Variants in CDRT4 observed in about 807,000 individuals in gnomAD.
CDRT4 encodes CMT1A duplicated region transcript 4.
For synonymous variants in CDRT4, 64 were observed against 69.6 expected (o/e 0.92, Z 0.40); for missense variants, 167 against 193.1 (o/e 0.87, Z 0.80).
intron 1 of CDRT4, among the ~76,000 whole-genome samples, chr17:15,465,714 G>A (rs991798203): frequency 1.3e-5 from 2 of 152,052 alleles, no homozygotes; most frequent in African/African-American, 2.4e-5. Context: ...TCACAAACAC[G>A]GAGACACATA....
intron 2 of CDRT4, among the ~76,000 whole-genome samples, chr17:15,449,828 T>A (rs1272441595): frequency 1.3e-5 from 2 of 152,246 alleles, no homozygotes; most frequent in Non-Finnish European, 2.9e-5. Context: ...TTTCTGCTTC[T>A]GGGTTAGTTT....
intron 1 of CDRT4, among the ~76,000 whole-genome samples, chr17:15,456,858 A>G (rs1979507816): frequency 6.6e-6 from 1 of 152,128 alleles, no homozygotes; most frequent in Non-Finnish European, 1.5e-5. Context: ...GGACCCAAAG[A>G]GTGCCTTTAA....
Position 15,464,173 on chromosome 17 carries a change from C to G in CDRT4, c.-130+3287G>C, listed in dbSNP as rs901119167. 5.9e-5 allele frequency among the ~76,000 whole-genome samples: 9 copies of G among 152,064 alleles called. No individual in the cohort carries two copies. The highest frequency in any genetic ancestry group is 1.0e-4 in the Non-Finnish European group (7 of 68,004). ...TTAACCTCTCTGGCCGCGTTTTTCT[C>G]TGGTGATGTGTCACTGAGCTTGGGG... On this transcript the variant is annotated intron_variant, in intron 1 of 3. Coordinates refer to ENST00000619038, the MANE Select transcript of CDRT4 (RefSeq NM_001204477.2). The surrounding 1 kb of genome is among the most constrained non-coding windows in gnomAD (Gnocchi z 4.5).
In CDRT4 at chr17:15,449,080, T is replaced by C. The variant is rs116198578; in HGVS notation, c.-48+3924A>G. Among the ~76,000 whole-genome samples, 1,496 of 152,338 alleles carry C rather than the reference T, an allele frequency of 9.8e-3. 27 individuals carry two copies. Among genetic ancestry groups the C allele is most frequent in the African/African-American group, 0.034 (1,413 of 41,578 alleles). ...CACTCTTATTTCACACATATTTGCATGGCAAAGCCTTAATACCAGTTCAAT... is the reference window on the plus strand; with the variant it reads ...CACTCTTATTTCACACATATTTGCACGGCAAAGCCTTAATACCAGTTCAAT... On this transcript the variant is annotated intron_variant, in intron 2 of 3. Coordinates refer to ENST00000619038, the MANE Select transcript of CDRT4 (RefSeq NM_001204477.2).
At chr17:15,457,822 G>A (rs900964422) in intron 1 of CDRT4, among the ~76,000 whole-genome samples, 1 of 152,176 alleles carries the variant, frequency 6.6e-6, no homozygotes, top group African/African-American at 2.4e-5. Flanking sequence ...ACGAGGCTAG[G>A]AGGTCAGTGC....
intron 1 of CDRT4, among the ~76,000 whole-genome samples, chr17:15,456,762 C>T (rs1979502221): frequency 6.6e-6 from 1 of 152,090 alleles, no homozygotes; most frequent in African/African-American, 2.4e-5. Context: ...TCTGTGGAGC[C>T]CTGGTCATCA....
intron 1 of CDRT4, among the ~76,000 whole-genome samples, chr17:15,453,885 G>A (rs929910570): frequency 3.9e-5 from 6 of 152,192 alleles, no homozygotes; most frequent in Admixed American, 1.3e-4. Context: ...TATCCTTGGA[G>A]TGCCATGAGG....
chr17:15,444,265 T>C, intron 2 of CDRT4: 2 of 563,476 alleles, frequency 3.5e-6, no homozygotes. Context: ...ATTTAAAAGA[T>C]GCAATAAAAG....
At chr17:15,444,391 T>C (rs716102) in intron 2 of CDRT4, among the ~76,000 whole-genome samples, 112,442 of 152,010 alleles carry the variant, frequency 0.74, 41,828 homozygotes, top group African/African-American at 0.82. Flanking sequence ...CAAATGTAGG[T>C]GCCCACTCCC....
intron 1 of CDRT4, among the ~76,000 whole-genome samples, chr17:15,457,375 G>C (rs1169861856): frequency 6.6e-6 from 1 of 152,208 alleles, no homozygotes; most frequent in Non-Finnish European, 1.5e-5. Context: ...GCCCTCTAGG[G>C]TGGGAAATGT....
intron 1 of CDRT4, among the ~76,000 whole-genome samples, chr17:15,454,552 G>A (rs1979402504): frequency 1.3e-5 from 2 of 152,226 alleles, no homozygotes; most frequent in South Asian, 2.1e-4. Context: ...AGCCATGTCC[G>A]CTCTCCCTCA....
At chr17:15,461,486 C>T (rs74934112) in intron 1 of CDRT4, among the ~76,000 whole-genome samples, 3,032 of 152,272 alleles carry the variant, frequency 0.02, 97 homozygotes, top group African/African-American at 0.068. Flanking sequence ...GTTACAGTGA[C>T]GGATGAGACC....
At chr17:15,448,771 C>T (rs1370604503) in intron 2 of CDRT4, among the ~76,000 whole-genome samples, 5 of 152,186 alleles carry the variant, frequency 3.3e-5, no homozygotes, top group Non-Finnish European at 7.3e-5. Context: ...CTCACCTGCC[C>T]GGTTGCTGCC....
chr17:15,453,715 G>A (rs956013434), intron 1 of CDRT4, among the ~76,000 whole-genome samples: 5 of 152,176 alleles, frequency 3.3e-5, no homozygotes, highest in South Asian at 2.1e-4. Flanking sequence ...GTAAAACTGC[G>A]TATTAAACAA....
rs776100248 is a variant in CDRT4 at position 15,438,123 on chromosome 17, AGGTATAGGTGACATAGGCCGGCCAG to A, written c.84_108del (p.Trp29LeufsTer4). 1 of 1,613,836 alleles carries A rather than the reference AGGTATAGGTGACATAGGCCGGCCAG, an allele frequency of 6.2e-7. No individual in the cohort carries two copies. The highest frequency in any genetic ancestry group is 1.3e-5 in the African/African-American group (1 of 74,844). Reference sequence around the variant, plus strand: ...TCAATGAGTCTTTTCACTGTCTGAGAGGTATAGGTGACATAGGCCGGCCAGGGGTCATGTTTTTCAAGTAGCTTCC... The same window carrying A: ...TCAATGAGTCTTTTCACTGTCTGAGAGGGTCATGTTTTTCAAGTAGCTTCC... On this transcript the variant is annotated frameshift_variant, in exon 4 of 4. Transcript: ENST00000619038. LOFTEE classifies it low-confidence loss of function (END_TRUNC).
chr17:15,454,644 G>A (rs1185236408), intron 1 of CDRT4, among the ~76,000 whole-genome samples: 1 of 152,092 alleles, frequency 6.6e-6, no homozygotes, highest in Non-Finnish European at 1.5e-5. Context: ...AATGACTTAA[G>A]GAGCAAAACT....
chr17:15,448,383 G>A (rs1174838389), intron 2 of CDRT4, among the ~76,000 whole-genome samples: 2 of 152,228 alleles, frequency 1.3e-5, no homozygotes, highest in Admixed American at 1.3e-4. Flanking sequence ...GAAAGTGACT[G>A]TATTATAAAT....
chr17:15,456,248 C>G (rs1979475100), intron 1 of CDRT4, among the ~76,000 whole-genome samples: 1 of 152,104 alleles, frequency 6.6e-6, no homozygotes, highest in African/African-American at 2.4e-5. Flanking sequence ...CATTTTGACA[C>G]AGTGGATATA....
At chr17:15,438,412 C>A (rs1003314467) in intron 3 of CDRT4, among the ~76,000 whole-genome samples, 1 of 143,010 alleles carries the variant, frequency 7.0e-6, no homozygotes, top group Non-Finnish European at 1.5e-5. Flanking sequence ...TGGTAAGGAG[C>A]AAGAGACAGA....
Sources: allele counts gnomAD v4.1 joint callset (sites outside exome capture counted in the v4.1 genomes callset), GRCh38; gene constraint gnomAD v4.1.1; non-coding constraint Gnocchi (gnomAD v3.1); transcripts MANE v1.5; gene names NCBI Gene and HGNC (gene_info 2026-07-23, HGNC 2026-07-21).